The following TBPL2 variants were observed in gnomAD, a reference collection of about 807,000 sequenced individuals.
TBPL2 encodes TATA box-binding protein-like 2.
In TBPL2, 40 loss-of-function variants were observed where a neutral mutation model predicts 38.2. The observed-to-expected ratio is 1.05, with a 90% CI of 0.81 to 1.36. The LOEUF (loss-of-function observed/expected upper bound fraction) is 1.36. Among genes scored for constraint, TBPL2 ranks in the 40% most tolerant of loss-of-function variants. The probability of loss-of-function intolerance (pLI) is 0.00; values close to 1 mark genes in which losing one functional copy is unlikely to be tolerated. For missense variants in TBPL2, 461 were observed against 456.7 expected, an observed-to-expected ratio of 1.01 and a Z score of -0.09; for synonymous variants, 169 against 171.7, an observed-to-expected ratio of 0.98 and a Z score of 0.12.
At chr14:55,437,303 C>A (rs201801850) in intron 1 of TBPL2, among the ~76,000 whole-genome samples, 1 of 152,224 alleles carries the variant, frequency 6.6e-6, no homozygotes. Flanking sequence ...TGTGGTGAAA[C>A]CACGTCTCTA....
At chr14:55,421,060 CAAA>C (rs71131263) in intron 6 of TBPL2, among the ~76,000 whole-genome samples, 6 of 107,562 alleles carry the variant, frequency 5.6e-5, no homozygotes, top group African/African-American at 1.4e-4. Context: ...GAATCTGTCT[CAAA>C]AAAAAAAAAA....
intron 1 of TBPL2, among the ~76,000 whole-genome samples, chr14:55,438,406 C>T (rs1886050291): frequency 6.6e-6 from 1 of 152,148 alleles, no homozygotes; most frequent in Non-Finnish European, 1.5e-5. Flanking sequence ...CTTTCCCCAC[C>T]CTCAACCCAC....
At chr14:55,440,307 T>C (rs8020152) in intron 1 of TBPL2, 89 bp downstream of exon 1, 1 of 1,487,502 alleles carries the variant, frequency 6.7e-7, no homozygotes, top group Non-Finnish European at 9.2e-7. Context: ...ATGGTCGCTA[T>C]GAGTTTTAAG....
chr14:55,422,491 C>A (rs563976365), intron 6 of TBPL2, among the ~76,000 whole-genome samples: 10 of 152,030 alleles, frequency 6.6e-5, no homozygotes, highest in African/African-American at 2.2e-4. Context: ...CCTCATAATT[C>A]GCCTGCCTCG....
At chr14:55,419,954 T>G (rs1404268867) in intron 6 of TBPL2, among the ~76,000 whole-genome samples, 2 of 152,238 alleles carry the variant, frequency 1.3e-5, no homozygotes, top group South Asian at 2.1e-4. Flanking sequence ...TGTGCCATGC[T>G]GCACTAGGCC....
At chr14:55,422,208 G>T (rs1424210662) in intron 6 of TBPL2, among the ~76,000 whole-genome samples, 1 of 152,126 alleles carries the variant, frequency 6.6e-6, no homozygotes, top group Admixed American at 6.5e-5. Flanking sequence ...TAGCTATTTG[G>T]GACTGGGGCA....
intron 4 of TBPL2, among the ~76,000 whole-genome samples, chr14:55,433,307 CTCTTT>C (rs1403562731): frequency 0.013 from 1,300 of 103,884 alleles, 15 homozygotes; most frequent in African/African-American, 0.051. Context: ...TTTTAGATTT[CTCTTT>C]TTTTTTTTTT....
chr14:55,415,825 C>T (rs185234639), intron 6 of TBPL2, among the ~76,000 whole-genome samples: 137 of 151,996 alleles, frequency 9.0e-4, no homozygotes, highest in Non-Finnish European at 1.8e-3. Context: ...GAGTTCGCAC[C>T]ATTACACTCC....
At chr14:55,417,450 C>G (rs1206370270) in intron 6 of TBPL2, among the ~76,000 whole-genome samples, 1 of 121,892 alleles carries the variant, frequency 8.2e-6, no homozygotes, top group Admixed American at 8.3e-5. Context: ...ATGACCCTTG[C>G]CTTAAAAAAA....
intron 5 of TBPL2, among the ~76,000 whole-genome samples, chr14:55,427,904 G>C (rs1293539742): frequency 7.1e-6 from 1 of 140,584 alleles, no homozygotes; most frequent in Non-Finnish European, 1.5e-5. Context: ...TTTTTGAGAC[G>C]GAGTCTGGCT....
At chr14:55,424,308 A>G (rs1252847555) in intron 5 of TBPL2, 55 bp from the exon 6 acceptor site, 4 of 1,162,300 alleles carry the variant, frequency 3.4e-6, no homozygotes, top group East Asian at 2.4e-5. Flanking sequence ...CTCCTTTCCC[A>G]TAACATGTAA....
chr14:55,438,226 G>A (rs1886047707), intron 1 of TBPL2, among the ~76,000 whole-genome samples: 1 of 152,204 alleles, frequency 6.6e-6, no homozygotes, highest in Admixed American at 6.5e-5. Flanking sequence ...CTCCGCTAAT[G>A]TACGTCTGAC....
chr14:55,431,458 A>C (rs1302428621), intron 4 of TBPL2, among the ~76,000 whole-genome samples: 1 of 152,256 alleles, frequency 6.6e-6, no homozygotes, highest in Non-Finnish European at 1.5e-5. Context: ...CTTTCAGCTC[A>C]GTATGTGTAC....
At chr14:55,420,916 C>T (rs1380363285) in intron 6 of TBPL2, among the ~76,000 whole-genome samples, 1 of 151,868 alleles carries the variant, frequency 6.6e-6, no homozygotes, top group Non-Finnish European at 1.5e-5. Context: ...AAAAAATTAG[C>T]TGGGCATAGT....
chr14:55,433,923 ACT>A (rs1885974561), intron 3 of TBPL2, among the ~76,000 whole-genome samples: 1 of 152,124 alleles, frequency 6.6e-6, no homozygotes, highest in Non-Finnish European at 1.5e-5. Context: ...AATATCAGTA[ACT>A]CTTAAATTTG....
At chr14:55,414,330 C>CT in exon 7 of TBPL2, 1 of 1,379,920 alleles carries the variant, frequency 7.2e-7, no homozygotes, top group South Asian at 1.3e-5. Context: ...CTGTGCTGGG[C>CT]TTATGGACAT....
intron 4 of TBPL2, among the ~76,000 whole-genome samples, chr14:55,433,095 A>C (rs1885957961): frequency 6.6e-6 from 1 of 152,088 alleles, no homozygotes; most frequent in African/African-American, 2.4e-5. Context: ...TCGGTTTAAT[A>C]GGGGAAACTG....
At chr14:55,422,423 G>A (rs1405911515) in intron 6 of TBPL2, among the ~76,000 whole-genome samples, 6 of 151,128 alleles carry the variant, frequency 4.0e-5, no homozygotes, top group Admixed American at 2.6e-4. Context: ...TTTTTTTTTT[G>A]TATTTTTAGT....
chr14:55,426,005 C>T (rs1035892135), intron 5 of TBPL2, among the ~76,000 whole-genome samples: 1 of 152,164 alleles, frequency 6.6e-6, no homozygotes, highest in African/African-American at 2.4e-5. Context: ...CGGTGGCTCA[C>T]ACCTGTAATC....
Sources: allele counts gnomAD v4.1 joint callset (sites outside exome capture counted in the v4.1 genomes callset), GRCh38; gene constraint gnomAD v4.1.1; transcripts MANE v1.5; gene names NCBI Gene and HGNC (gene_info 2026-07-23, HGNC 2026-07-21).